The following AGBL1 variants were observed in gnomAD, a reference collection of about 807,000 sequenced individuals.
The protein encoded by AGBL1 is AGBL carboxypeptidase 1.
A neutral mutation model predicts 118.9 loss-of-function variants in AGBL1; 130 were observed. That is an observed-to-expected ratio of 1.09 (90% CI 0.95 to 1.26). The LOEUF is 1.26. AGBL1 is among the 50% of genes most tolerant of loss of function. AGBL1 has a pLI of 0.00. For missense variants in AGBL1, 1,584 were observed against 1,298.1 expected (o/e 1.22, Z -3.38); for synonymous variants, 555 against 478.9 (o/e 1.16, Z -2.08).
intron 16 of AGBL1, among the ~76,000 whole-genome samples, chr15:86,284,777 G>T (rs1358835842): frequency 6.6e-6 from 1 of 152,172 alleles, no homozygotes; most frequent in East Asian, 1.9e-4. Flanking sequence ...CTGAGGTCAA[G>T]GAAGTCTTTT....
intron 23 of AGBL1, among the ~76,000 whole-genome samples, chr15:86,975,789 A>T (rs985368545): frequency 6.6e-6 from 1 of 152,172 alleles, no homozygotes; most frequent in African/African-American, 2.4e-5. Context: ...CTGGGTCTTC[A>T]GACTAAATAT....
At chr15:86,457,019 T>C (rs2082269159) in intron 18 of AGBL1, among the ~76,000 whole-genome samples, 1 of 152,156 alleles carries the variant, frequency 6.6e-6, no homozygotes, top group South Asian at 2.1e-4. Flanking sequence ...GCTATTTGCC[T>C]TGTTAGTAAA....
intron 23 of AGBL1, among the ~76,000 whole-genome samples, chr15:86,929,250 A>G (rs1388618291): frequency 6.6e-6 from 1 of 152,248 alleles, no homozygotes. Context: ...TAGTAGTGAC[A>G]TCTGGTCTGG....
At position 86,207,584 on chromosome 15, in the gene AGBL1, G is replaced by A. The variant is rs1597551801; in HGVS notation, c.489-17330G>A. Among the ~76,000 whole-genome samples the A allele has an allele frequency of 2.6e-5, 4 of 152,188 alleles. No individual in the cohort carries two copies. In the South Asian group the frequency reaches 8.3e-4, roughly 32 times the overall value. ...ATTCTGTTTGTAACAATTATGAATGGGAGTTCACTCATGATTTGGCTCTCT... is the reference window on the plus strand; with the variant it reads ...ATTCTGTTTGTAACAATTATGAATGAGAGTTCACTCATGATTTGGCTCTCT... On this transcript the variant is annotated intron_variant, in intron 5 of 22. Coordinates refer to ENST00000614907, the MANE Select transcript of AGBL1 (RefSeq NM_001386094.1).
chr15:86,201,201 A>G (rs1169242157), intron 5 of AGBL1, among the ~76,000 whole-genome samples: 1 of 152,228 alleles, frequency 6.6e-6, no homozygotes, highest in African/African-American at 2.4e-5. Context: ...TTTTAAAACG[A>G]CTGTGTACTT....
intron 3 of AGBL1, among the ~76,000 whole-genome samples, chr15:86,146,097 G>A (rs77742821): frequency 6.6e-6 from 1 of 152,128 alleles, no homozygotes; most frequent in African/African-American, 2.4e-5. Flanking sequence ...TATTAGCTGT[G>A]TGACCTTGGG....
chr15:86,951,107 G>A (rs1311350941), intron 23 of AGBL1, among the ~76,000 whole-genome samples: 1 of 152,144 alleles, frequency 6.6e-6, no homozygotes, highest in East Asian at 1.9e-4. Flanking sequence ...GTTCATGCAA[G>A]TTATGCTAGG....
intron 5 of AGBL1, among the ~76,000 whole-genome samples, chr15:86,178,246 G>A (rs1193048044): frequency 6.6e-6 from 1 of 152,192 alleles, no homozygotes; most frequent in Admixed American, 6.5e-5. Context: ...CAGGGAGTTG[G>A]AGGTTGCAGT....
At chr15:86,237,636 TTCCCC>T (rs2078573775) in intron 6 of AGBL1, among the ~76,000 whole-genome samples, 3 of 152,178 alleles carry the variant, frequency 2.0e-5, no homozygotes, top group Middle Eastern at 3.2e-3. Context: ...AAGTACTTCC[TTCCCC>T]ACCCACAGTC....
chr15:86,320,900 A>C lies in AGBL1; in HGVS notation c.2374+25492A>C, dbSNP rs1235666829. Among the ~76,000 whole-genome samples the C allele has an allele frequency of 3.3e-5, 5 of 151,746 alleles. No individual in the cohort carries two copies. The East Asian group carries it at 5.8e-4, about 18-fold the overall frequency. ...TTTAATCTGCTATTGAGATAATCAC[A>C]TGAATTGATTTTATAGTGTTAAACT... On this transcript the variant is annotated intron_variant, in intron 17 of 22. Transcript: ENST00000614907.
intron 22 of AGBL1, among the ~76,000 whole-genome samples, chr15:86,745,902 A>C (rs1261547503): frequency 6.6e-6 from 1 of 152,116 alleles, no homozygotes; most frequent in Non-Finnish European, 1.5e-5. Flanking sequence ...CTCACAGCCC[A>C]ACACCATGGG....
intron 22 of AGBL1, among the ~76,000 whole-genome samples, chr15:86,775,502 A>G (rs1331201209): frequency 6.6e-6 from 1 of 152,154 alleles, no homozygotes; most frequent in East Asian, 1.9e-4. Context: ...GAGAGATGAC[A>G]TAGAAATTCA....
chr15:86,422,844 G>C (rs544150602), intron 18 of AGBL1, among the ~76,000 whole-genome samples: 1 of 152,234 alleles, frequency 6.6e-6, no homozygotes, highest in East Asian at 1.9e-4. Context: ...AGAAAATCTA[G>C]AAGAAATGGA....
At chr15:86,441,559 G>A (rs1293053890) in intron 18 of AGBL1, among the ~76,000 whole-genome samples, 7 of 152,128 alleles carry the variant, frequency 4.6e-5, no homozygotes, top group Non-Finnish European at 7.3e-5. Flanking sequence ...AGAATATCCA[G>A]GTATCCGTAA....
At chr15:86,178,417 C>A (rs146695087) in intron 5 of AGBL1, among the ~76,000 whole-genome samples, 1 of 152,326 alleles carries the variant, frequency 6.6e-6, no homozygotes, top group Non-Finnish European at 1.5e-5. Flanking sequence ...CCTACAATTT[C>A]TGTAGATATG....
At chr15:86,588,230 C>T (rs1463004728) in intron 21 of AGBL1, among the ~76,000 whole-genome samples, 1 of 152,168 alleles carries the variant, frequency 6.6e-6, no homozygotes, top group Non-Finnish European at 1.5e-5. Flanking sequence ...GTTGGCTACT[C>T]TACACAGTGT....
intron 17 of AGBL1, among the ~76,000 whole-genome samples, chr15:86,368,862 A>G (rs2141938596): frequency 6.6e-6 from 1 of 152,354 alleles, no homozygotes; most frequent in East Asian, 1.9e-4. Flanking sequence ...AACAAAAGAA[A>G]TAAAGATTAA....
chr15:86,215,198 TGTGTGTGTGTGAGTGTATATGTATGC>T (rs1225359241), intron 5 of AGBL1, among the ~76,000 whole-genome samples: 1 of 150,250 alleles, frequency 6.7e-6, no homozygotes, highest in East Asian at 1.9e-4. Context: ...CCTGGCTCTG[TGTGTGTGTGTGAGTGTATATGTATGC>T]GTGTGTGTGT....
At chr15:86,986,943 G>A (rs1260405096) in intron 23 of AGBL1, among the ~76,000 whole-genome samples, 1 of 151,986 alleles carries the variant, frequency 6.6e-6, no homozygotes, top group East Asian at 1.9e-4. Context: ...TAGGATTTAG[G>A]TAGGTAAAGG....
Sources: gnomAD v4.1 joint callset for allele counts (sites outside exome capture counted in the v4.1 genomes callset) on GRCh38, gnomAD v4.1.1 for gene constraint, MANE v1.5 for transcripts, NCBI Gene and HGNC (gene_info 2026-07-23, HGNC 2026-07-21) for gene names.